Variants in ANKAR observed in about 807,000 individuals in gnomAD.
ANKAR encodes ankyrin and armadillo repeat-containing protein.
A neutral mutation model predicts 146.2 loss-of-function variants in ANKAR; 136 were observed. The observed-to-expected ratio is 0.93, with a 90% confidence interval of 0.81 to 1.07. The LOEUF (loss-of-function observed/expected upper bound fraction) is 1.07, where lower values mean the gene tolerates loss of function less well. Among genes scored for constraint, ANKAR ranks in the 50% least tolerant of loss-of-function variants. The pLI is 0.00. For missense variants in ANKAR, 1,567 were observed against 1,679.9 expected, an observed-to-expected ratio of 0.93 and a Z score of 1.18; for synonymous variants, 500 against 575.8, an observed-to-expected ratio of 0.87 and a Z score of 1.88.
chr2:189,718,802 T>C (rs948545859), intron 10 of ANKAR, among the ~76,000 whole-genome samples: 4 of 149,558 alleles, frequency 2.7e-5, no homozygotes, highest in Non-Finnish European at 5.9e-5. Flanking sequence ...GACTGCGGAC[T>C]GCAGTGGCGC....
intron 10 of ANKAR, among the ~76,000 whole-genome samples, chr2:189,718,193 C>T (rs1283032209): frequency 6.6e-6 from 1 of 152,202 alleles, no homozygotes; most frequent in Non-Finnish European, 1.5e-5. Context: ...TGGCCCATGC[C>T]TGTAATGCCA....
In ANKAR at chr2:189,695,125, G is replaced by A; in HGVS notation, c.1452G>A (p.Lys484=). The A allele has an allele frequency of 6.2e-7, 1 of 1,606,632 alleles. No individual in the cohort carries two copies. Among genetic ancestry groups the A allele is most frequent in the South Asian group, 1.1e-5 (1 of 89,940 alleles). The change falls in exon 6 of 23, where the codon AAG becomes AAA. Residue 484 remains lysine, a synonymous_variant. Transcript: ENST00000684021. ...ATGCTCAATTACATGAACAATTTAA[G>A]AAAAAGCTTGGTTTCAAAAGAGCTA... ...LTDAQLHEQF[K]KKLGFKRAMK... is the part of the protein sequence containing the mutation.
chr2:189,717,870 A>G (rs951179534), intron 10 of ANKAR, among the ~76,000 whole-genome samples: 1 of 151,774 alleles, frequency 6.6e-6, no homozygotes, highest in African/African-American at 2.4e-5. Flanking sequence ...TCTCACTCAT[A>G]GGTGGGAATT....
chr2:189,708,885 C>T lies in ANKAR; in HGVS notation c.2119+1739C>T, dbSNP rs542159263. On this transcript the variant is annotated intron_variant, in intron 9 of 22. Coordinates refer to ENST00000684021, the MANE Select transcript of ANKAR (RefSeq NM_001378068.1). ...TTATTAGGCCAAGGCGGGCAGATCA[C>T]GAGGTCAAGAGATAGAGACCATCCT... Among the ~76,000 whole-genome samples the T allele has an allele frequency of 1.5e-4, 23 of 152,142 alleles. No individual in the cohort carries two copies. The South Asian group carries it at 4.4e-3, about 29-fold the overall frequency.
At chr2:189,706,359 C>G (rs983513625) in intron 8 of ANKAR, among the ~76,000 whole-genome samples, 1 of 151,962 alleles carries the variant, frequency 6.6e-6, no homozygotes, top group Non-Finnish European at 1.5e-5. Context: ...GCACTACAGC[C>G]TGGGTGACAG....
At chr2:189,744,823 C>G (rs767242434) in intron 22 of ANKAR, 35 bp downstream of exon 22, 1 of 1,439,946 alleles carries the variant, frequency 6.9e-7, no homozygotes, top group Non-Finnish European at 9.7e-7. Context: ...GAAGTACCTT[C>G]TAGCCCAGAC....
intron 19 of ANKAR, among the ~76,000 whole-genome samples, chr2:189,739,313 ATAAG>A (rs2043123768): frequency 6.6e-6 from 1 of 152,176 alleles, no homozygotes; most frequent in African/African-American, 2.4e-5. Flanking sequence ...ATATAAACAA[ATAAG>A]TATTTGTTTT....
At chr2:189,679,553 A>T (rs1210748720) in intron 2 of ANKAR, among the ~76,000 whole-genome samples, 1 of 152,070 alleles carries the variant, frequency 6.6e-6, no homozygotes, top group African/African-American at 2.4e-5. Context: ...TTCTTAGGGG[A>T]AGTGCTTTCA....
At position 189,705,206 on chromosome 2, in the gene ANKAR, AAGCTGAGGCAAC is replaced by A. The variant is rs1559090520; in HGVS notation, c.1900_1910+1del. On this transcript the variant is annotated inframe_deletion, in exon 8 of 23. Transcript: ENST00000684021. Reference sequence around the variant, plus strand: ...TGTAGGAAGGATCCTAGTTTGCTAGAAGCTGAGGCAACAGCTGAGTAAGTCATTAAGCATTTA... The same window carrying A: ...TGTAGGAAGGATCCTAGTTTGCTAGAAGCTGAGTAAGTCATTAAGCATTTA... 1.9e-6 allele frequency: 3 copies of A among 1,614,098 alleles called. No individual in the cohort carries two copies. The highest frequency in any genetic ancestry group is 1.7e-6 in the Non-Finnish European group (2 of 1,179,982).
chr2:189,755,069 T>TA, intron 18 of ANKAR: 1 of 1,375,846 alleles, frequency 7.3e-7, no homozygotes, highest in Non-Finnish European at 9.8e-7. Flanking sequence ...TTTACTAAGA[T>TA]AAAATTCAGA....
downstream of ANKAR, among the ~76,000 whole-genome samples, chr2:189,751,487 C>G (rs2439185): frequency 0.94 from 138,431 of 147,010 alleles, 65,790 homozygotes; most frequent in South Asian, 1. Context: ...CTCTGTCACC[C>G]GGGCTGGAGT....
chr2:189,710,981 A>G, intron 9 of ANKAR, 68 bp from the exon 10 acceptor site: 1 of 1,352,832 alleles, frequency 7.4e-7, no homozygotes, highest in Non-Finnish European at 1.0e-6. Context: ...GGTACAAAAA[A>G]CAGAATCAAG....
At chr2:189,755,139 AC>A in intron 18 of ANKAR, 1 of 1,587,926 alleles carries the variant, frequency 6.3e-7, no homozygotes, top group Non-Finnish European at 8.5e-7. Flanking sequence ...GGACAACATA[AC>A]AAAAAAGAAT....
rs139081408 is a variant in ANKAR, at chr2:189,689,651, T to G, written c.726T>G (p.Asn242Lys). The G allele has an allele frequency of 3.4e-5, 55 of 1,613,584 alleles. No homozygotes were observed. In the African/African-American group the frequency reaches 7.2e-4, roughly 21 times the overall value. The change falls in exon 3 of 23, where the codon AAT becomes AAG. Residue 242 changes from asparagine to lysine, a missense_variant. Coordinates refer to ENST00000684021, the MANE Select transcript of ANKAR (RefSeq NM_001378068.1). Reference sequence around the variant, plus strand: ...CTGTATTTATGAAATATGCTGAAAATATTATGCTAAAGTTAACATTCAGTA... The same window carrying G: ...CTGTATTTATGAAATATGCTGAAAAGATTATGCTAAAGTTAACATTCAGTA... ...ETAVFMKYAE[N>K]IMLKLTFSTT... is the part of the protein sequence containing the mutation.
intron 16 of ANKAR, among the ~76,000 whole-genome samples, chr2:189,732,568 G>A (rs1255424193): frequency 6.7e-6 from 1 of 148,376 alleles, no homozygotes; most frequent in Admixed American, 6.9e-5. Flanking sequence ...GGCTGGAGCA[G>A]GAGAATCGCT....
chr2:189,681,539 C>T (rs2034676874), intron 2 of ANKAR, among the ~76,000 whole-genome samples: 1 of 152,164 alleles, frequency 6.6e-6, no homozygotes, highest in African/African-American at 2.4e-5. Context: ...ACAGAGAGCA[C>T]CAAAGGACTA....
chr2:189,758,600 A>C (rs1036874284), intron 18 of ANKAR, among the ~76,000 whole-genome samples: 9 of 152,228 alleles, frequency 5.9e-5, no homozygotes, highest in African/African-American at 2.2e-4. Flanking sequence ...ATTTCGTTAT[A>C]GCAGTGCAAG....
Position 189,692,306 on chromosome 2 carries a change from A to AT in ANKAR, c.1095dup (p.Lys366Ter), listed in dbSNP as rs751187490. The AT allele has an allele frequency of 1.9e-5, 31 of 1,613,362 alleles. No individual in the cohort carries two copies. The African/African-American group carries it at 3.7e-4, about 19-fold the overall frequency. On this transcript the variant is annotated frameshift_variant, in exon 4 of 23. Transcript: ENST00000684021. LOFTEE classifies it high-confidence loss of function. ...TTGCCTCCATTTATTTATGGAAGAGATTTTAAATGCCAGAATTTTCACTAC... is the reference window on the plus strand; with the variant it reads ...TTGCCTCCATTTATTTATGGAAGAGATTTTTAAATGCCAGAATTTTCACTAC...
intron 17 of ANKAR, among the ~76,000 whole-genome samples, chr2:189,736,267 G>A (rs1433412327): frequency 6.6e-6 from 1 of 152,106 alleles, no homozygotes; most frequent in Non-Finnish European, 1.5e-5. Flanking sequence ...ACCCTACATG[G>A]AAAAGAAATG....
Sources: allele counts gnomAD v4.1 joint callset (sites outside exome capture counted in the v4.1 genomes callset), GRCh38; gene constraint gnomAD v4.1.1; transcripts MANE v1.5; gene names NCBI Gene and HGNC (gene_info 2026-07-23, HGNC 2026-07-21).